PTPN11: variants seen among roughly 807,000 people sequenced by gnomAD.
The protein encoded by PTPN11 is protein tyrosine phosphatase non-receptor type 11.
In PTPN11, 6 loss-of-function variants were observed where a neutral mutation model predicts 78.8. The observed-to-expected ratio is 0.08, with a 90% CI of 0.04 to 0.15. The LOEUF (loss-of-function observed/expected upper bound fraction) is 0.15, where lower values mean the gene tolerates loss of function less well. Among genes scored for constraint, PTPN11 ranks in the 10% least tolerant of loss-of-function variants. The pLI, the probability that PTPN11 is intolerant of heterozygous loss-of-function variation, is 1.00. For missense variants in PTPN11, 386 were observed against 744.8 expected (o/e 0.52, Z 5.61); for synonymous variants, 221 against 263.5 (o/e 0.84, Z 1.56).
At chr12:112,476,934 C>T (rs2135899877) in intron 7 of PTPN11, among the ~76,000 whole-genome samples, 1 of 152,292 alleles carries the variant, frequency 6.6e-6, no homozygotes, top group East Asian at 1.9e-4. Context: ...CTCTGATCCA[C>T]ATCTCCTCTC....
intron 14 of PTPN11, among the ~76,000 whole-genome samples, chr12:112,503,143 A>G (rs928367436): frequency 2.6e-5 from 4 of 152,226 alleles, no homozygotes; most frequent in African/African-American, 9.6e-5. Context: ...CAAAGACCCA[A>G]TAACAAAACA....
At chr12:112,436,490 T>C (rs1486711304) in intron 1 of PTPN11, among the ~76,000 whole-genome samples, 2 of 152,200 alleles carry the variant, frequency 1.3e-5, no homozygotes, top group African/African-American at 4.8e-5. Flanking sequence ...GGTTTGGCTC[T>C]GTAGGTTGCT....
At chr12:112,463,715 A>G (rs926085016) in intron 6 of PTPN11, among the ~76,000 whole-genome samples, 4 of 152,204 alleles carry the variant, frequency 2.6e-5, no homozygotes, top group African/African-American at 9.6e-5. Flanking sequence ...TAACGAGATC[A>G]CATCTGTACT....
intron 13 of PTPN11, among the ~76,000 whole-genome samples, chr12:112,497,028 C>T (rs965151320): frequency 3.5e-4 from 53 of 151,934 alleles, no homozygotes; most frequent in African/African-American, 1.3e-3. Flanking sequence ...AAAAATTAGC[C>T]AGGCGTAGTG....
intron 6 of PTPN11, 61 bp from the exon 7 acceptor site, chr12:112,472,883 G>T (rs2038440669): frequency 3.1e-6 from 4 of 1,288,362 alleles, no homozygotes; most frequent in Non-Finnish European, 4.5e-6. Context: ...GCTGATCCAG[G>T]CTTTTTTCTT....
At chr12:112,453,706 G>C (rs1350431649) in intron 4 of PTPN11, among the ~76,000 whole-genome samples, 2 of 146,604 alleles carry the variant, frequency 1.4e-5, no homozygotes, top group Non-Finnish European at 3.0e-5. Flanking sequence ...ATTTGAGACT[G>C]GGTCTTGCTC....
intron 8 of PTPN11, 60 bp downstream of exon 8, chr12:112,477,790 T>C (rs2135901666): frequency 6.2e-7 from 1 of 1,607,822 alleles, no homozygotes; most frequent in Non-Finnish European, 8.5e-7. Flanking sequence ...TTTTGTATTT[T>C]AAATCCTTCC....
rs542852513 is a variant in PTPN11 at position 112,479,194 on chromosome 12, C to T, written c.1092+1179C>T. ...GTAACACCCCACACCTACAGAAGAG[C>T]GGACAGATCTTATTGAGTGACAGCC... On this transcript the variant is annotated intron_variant, in intron 9 of 15. Coordinates refer to ENST00000351677, the MANE Select transcript of PTPN11 (RefSeq NM_002834.5). Among the ~76,000 whole-genome samples the T allele has an allele frequency of 1.1e-3, 166 of 152,068 alleles. 1 individual carries two copies. The highest frequency in any genetic ancestry group is 3.1e-3 in the African/African-American group (130 of 41,496).
At position 112,446,295 on chromosome 12, in the gene PTPN11, A is replaced by T; in HGVS notation, c.34A>T (p.Thr12Ser). 1 of 1,613,974 alleles carries T rather than the reference A, an allele frequency of 6.2e-7. No individual in the cohort carries two copies. The highest frequency in any genetic ancestry group is 1.1e-5 in the South Asian group (1 of 91,070). The stretch of plus-strand genomic sequence containing the variant: ...TTTAAGATGGTTTCACCCAAATATC[A>T]CTGGTGTGGAGGCAGAAAACCTACT... ...TSRRWFHPNI[T>S]GVEAENLLLT... Residue 12 changes from threonine (T) to serine (S), a missense_variant, in exon 2 of 16, where the codon ACT becomes TCT. Physicochemically the swap from Thr to Ser is moderately conservative, Grantham distance 58. This residue lies in a region of PTPN11 where 279 missense variants were observed against 503.3 expected (regional missense o/e 0.55). Transcript: ENST00000351677.
chr12:112,471,855 CG>C (rs1162912887), intron 6 of PTPN11, among the ~76,000 whole-genome samples: 1 of 151,744 alleles, frequency 6.6e-6, no homozygotes, highest in African/African-American at 2.4e-5. Flanking sequence ...TGGGTTCAAG[CG>C]ATTCTCGTGC....
At chr12:112,450,785 A>G (rs2135863595) in intron 3 of PTPN11, among the ~76,000 whole-genome samples, 1 of 152,336 alleles carries the variant, frequency 6.6e-6, no homozygotes, top group Non-Finnish European at 1.5e-5. Context: ...TATTAGTTTT[A>G]AGACTTATTG....
intron 9 of PTPN11, among the ~76,000 whole-genome samples, chr12:112,480,657 AC>A (rs1274566470): frequency 6.6e-6 from 1 of 152,084 alleles, no homozygotes; most frequent in Admixed American, 6.6e-5. Context: ...ACTGCGCCCA[AC>A]CAAGACCACA....
chr12:112,465,729 G>A (rs774960602), intron 6 of PTPN11, among the ~76,000 whole-genome samples: 1 of 152,016 alleles, frequency 6.6e-6, no homozygotes, highest in African/African-American at 2.4e-5. Flanking sequence ...TTCAGATATT[G>A]AAACTAGCAA....
chr12:112,419,033 G>T lies in PTPN11; in HGVS notation c.-79G>T. The T allele has an allele frequency of 1.3e-6, 2 of 1,525,180 alleles. No individual in the cohort carries two copies. Among genetic ancestry groups the T allele is most frequent in the Non-Finnish European group, 8.8e-7 (1 of 1,138,026 alleles). 94.5% of individuals were successfully genotyped at this position (1,525,180 alleles called of 1,614,324 possible). ...GTCCGGTCCCGAGCGGGCCTCCCTC[G>T]GGCCAGCCCGATGTGACCGAGCCCA... On this transcript the variant is annotated 5_prime_UTR_variant, in exon 1 of 16. Coordinates refer to ENST00000351677, the MANE Select transcript of PTPN11 (RefSeq NM_002834.5).
chr12:112,446,698 T>G (rs1222226574), intron 2 of PTPN11, among the ~76,000 whole-genome samples: 2 of 152,198 alleles, frequency 1.3e-5, no homozygotes, highest in East Asian at 3.8e-4. Context: ...GCATTTTTCT[T>G]TTCCTTCCTG....
intron 1 of PTPN11, among the ~76,000 whole-genome samples, chr12:112,432,077 A>G (rs112613132): frequency 7.2e-5 from 11 of 152,310 alleles, no homozygotes; most frequent in African/African-American, 2.6e-4. Flanking sequence ...TAGAAAAGGA[A>G]ACACAAGTGG....
At chr12:112,444,373 AC>A (rs1349171393) in intron 1 of PTPN11, among the ~76,000 whole-genome samples, 2 of 150,902 alleles carry the variant, frequency 1.3e-5, no homozygotes, top group Non-Finnish European at 2.9e-5. Flanking sequence ...ACAAGGTCTC[AC>A]TCTGTCACCC....
intron 11 of PTPN11, among the ~76,000 whole-genome samples, chr12:112,487,498 A>T (rs1309292720): frequency 6.6e-6 from 1 of 152,080 alleles, no homozygotes; most frequent in Non-Finnish European, 1.5e-5. Context: ...GCTTCACAAG[A>T]TTCCAGCTGC....
At chr12:112,457,724 C>T (rs1237223343) in intron 6 of PTPN11, among the ~76,000 whole-genome samples, 1 of 152,210 alleles carries the variant, frequency 6.6e-6, no homozygotes, top group Non-Finnish European at 1.5e-5. Context: ...CTGAAACTAA[C>T]TTGGGTTGGA....
Sources: gnomAD v4.1 joint callset for allele counts (sites outside exome capture counted in the v4.1 genomes callset) on GRCh38, gnomAD v4.1.1 for gene constraint, gnomAD v4.1.1 regional missense constraint, MANE v1.5 for transcripts, NCBI Gene and HGNC (gene_info 2026-07-23, HGNC 2026-07-21) for gene names.